Variants in DNAH3 observed in about 807,000 individuals in gnomAD.
The protein encoded by DNAH3 is dynein axonemal heavy chain 3.
DNAH3 carries 332 observed loss-of-function variants against 432.5 expected under a neutral mutation model. That is an observed-to-expected ratio of 0.77 (90% CI 0.70 to 0.84). DNAH3 has a LOEUF of 0.84. Ranked by LOEUF, DNAH3 falls within the 40% of genes least tolerant of loss-of-function variation. The pLI, the probability that DNAH3 is intolerant of heterozygous loss-of-function variation, is 0.00. For missense variants in DNAH3, 4,861 were observed against 5,114.0 expected (o/e 0.95, Z 1.51); for synonymous variants, 1,956 against 1,900.2 (o/e 1.03, Z -0.76).
At chr16:21,106,177 T>TA (rs767198150) in intron 15 of DNAH3, among the ~76,000 whole-genome samples, 16,582 of 97,230 alleles carry the variant, frequency 0.17, 1,500 homozygotes, top group South Asian at 0.22. Flanking sequence ...AGACTCCATC[T>TA]AAAAAAAAAA....
intron 58 of DNAH3, among the ~76,000 whole-genome samples, chr16:20,943,281 T>G (rs906509649): frequency 6.6e-6 from 1 of 151,836 alleles, no homozygotes; most frequent in African/African-American, 2.4e-5. Context: ...TTTTGCTATG[T>G]TGCTCAGGCT....
At chr16:20,991,885 A>G (rs1348595830) in intron 44 of DNAH3, among the ~76,000 whole-genome samples, 1 of 152,220 alleles carries the variant, frequency 6.6e-6, no homozygotes, top group East Asian at 1.9e-4. Context: ...CTGATGCTCA[A>G]TGGCTACATC....
At position 21,075,377 on chromosome 16, in the gene DNAH3, C is replaced by T. The variant is rs148305188; in HGVS notation, c.3084+70G>A. ...AGTTCTGTTGCCATTCTGAATGAAT[C>T]GTTTCTGTAATCTATTGCATAATAA... On this transcript the variant is annotated intron_variant, in intron 21 of 61. Coordinates refer to ENST00000261383, the Ensembl canonical transcript of DNAH3. The T allele has an allele frequency of 4.5e-5, 48 of 1,065,020 alleles. No homozygotes were observed. The African/African-American group carries it at 5.4e-4, about 12-fold the overall frequency. The allele number at this position is 1,065,020 out of a possible 1,614,324, so 66.0% of individuals were successfully genotyped here.
At chr16:20,991,796 G>A (rs1181697865) in intron 44 of DNAH3, among the ~76,000 whole-genome samples, 1 of 152,098 alleles carries the variant, frequency 6.6e-6, no homozygotes, top group Non-Finnish European at 1.5e-5. Context: ...CCATCCCTTT[G>A]GCCAGACCAT....
At chr16:21,112,375 G>GAC (rs2092096073) in intron 12 of DNAH3, among the ~76,000 whole-genome samples, 1 of 152,096 alleles carries the variant, frequency 6.6e-6, no homozygotes, top group African/African-American at 2.4e-5. Context: ...TGCTGATAGA[G>GAC]ACATACTCGA....
intron 40 of DNAH3, among the ~76,000 whole-genome samples, chr16:21,021,047 GT>G (rs745882566): frequency 1.4e-4 from 21 of 152,174 alleles, no homozygotes; most frequent in Non-Finnish European, 1.5e-5. Context: ...CATCCAAGCT[GT>G]AGCATGCATC....
chr16:21,019,623 CCT>C lies in DNAH3; in HGVS notation c.6021_6022del (p.Gly2008LysfsTer4), dbSNP rs1472106730. The C allele has an allele frequency of 4.3e-6, 7 of 1,613,956 alleles. 1 individual carries two copies. In the Admixed American group the frequency reaches 6.7e-5, roughly 15 times the overall value. On this transcript the variant is annotated frameshift_variant and splice_region_variant, in exon 41 of 62. Transcript: ENST00000261383. LOFTEE classifies it high-confidence loss of function. ...AACATAACAAACAGGTTCTAAATTACCTCTTTCTGGAAAGATGTTGTTTTTGG... is the reference window on the plus strand; with the variant it reads ...AACATAACAAACAGGTTCTAAATTACCTTTCTGGAAAGATGTTGTTTTTGG...
In DNAH3 at chr16:20,938,221, G is replaced by A. The variant is rs980010404; in HGVS notation, c.11655-1368C>T. 5.9e-5 allele frequency among the ~76,000 whole-genome samples: 9 copies of A among 152,016 alleles called. No individual in the cohort carries two copies. In the South Asian group the frequency reaches 8.3e-4, roughly 14 times the overall value. On this transcript the variant is annotated intron_variant, in intron 59 of 61. Coordinates refer to ENST00000261383, the Ensembl canonical transcript of DNAH3. ...AGCCTGGCCAACATGGTTAAACCCC[G>A]TCTGTACTAAAAATACAAAATTAGC...
At chr16:20,957,664 T>C (rs2084623052) in intron 54 of DNAH3, among the ~76,000 whole-genome samples, 1 of 151,598 alleles carries the variant, frequency 6.6e-6, no homozygotes, top group African/African-American at 2.4e-5. Flanking sequence ...AATTCAAAAT[T>C]AGCCATGCAT....
chr16:21,034,168 G>A, intron 35 of DNAH3, 83 bp from the exon 36 acceptor site: 2 of 880,688 alleles, frequency 2.3e-6, no homozygotes, highest in Admixed American at 4.3e-5. Context: ...AATGAGGAAT[G>A]AGGGGTCAGA....
chr16:20,988,414 T>C (rs1227293496), intron 44 of DNAH3, among the ~76,000 whole-genome samples: 3 of 152,096 alleles, frequency 2.0e-5, no homozygotes. Flanking sequence ...TCATGTTGTA[T>C]TATATTACAT....
intron 47 of DNAH3, among the ~76,000 whole-genome samples, chr16:20,985,925 G>A (rs921831262): frequency 2.6e-5 from 4 of 151,844 alleles, no homozygotes; most frequent in Non-Finnish European, 2.9e-5. Flanking sequence ...GTGTGATCTC[G>A]GTTCACTGCA....
chr16:21,019,475 A>G (rs2152709403), intron 41 of DNAH3, 149 bp downstream of exon 41: 1 of 886,182 alleles, frequency 1.1e-6, no homozygotes, highest in South Asian at 1.7e-5. Flanking sequence ...TGATATTTTA[A>G]TTCTGTAATT....
chr16:21,031,896 C>A (rs1405351945), intron 36 of DNAH3, among the ~76,000 whole-genome samples: 2 of 152,054 alleles, frequency 1.3e-5, no homozygotes, highest in African/African-American at 4.8e-5. Context: ...GGCGTGGTGG[C>A]GCATGCCTGT....
intron 51 of DNAH3, among the ~76,000 whole-genome samples, chr16:20,974,339 CTTTGTTTTGT>C (rs138989216): frequency 6.6e-6 from 1 of 151,904 alleles, no homozygotes; most frequent in African/African-American, 2.4e-5. Context: ...CCCCTGGCCA[CTTTGTTTTGT>C]TTTGTTTTGT....
chr16:21,013,970 GCCAAGA>G (rs2087740106), intron 41 of DNAH3, among the ~76,000 whole-genome samples: 3 of 152,052 alleles, frequency 2.0e-5, no homozygotes, highest in Non-Finnish European at 2.9e-5. Context: ...AAAGTACCAG[GCCAAGA>G]TGGGTTCACT....
chr16:21,157,924 G>GC (rs11416807), intron 1 of DNAH3, among the ~76,000 whole-genome samples: 2 of 151,156 alleles, frequency 1.3e-5, no homozygotes, highest in Non-Finnish European at 1.5e-5. Context: ...GTGGGGGGGG[G>GC]CGGTTCTTGT....
chr16:20,965,358 A>G (rs747892522), exon 53 of DNAH3: 2 of 1,556,618 alleles, frequency 1.3e-6, no homozygotes, highest in South Asian at 2.4e-5. Context: ...ATGTCTTAAG[A>G]CTCTCCAAGA....
intron 40 of DNAH3, 115 bp from the exon 41 acceptor site, chr16:21,019,984 G>T: frequency 8.4e-7 from 1 of 1,185,956 alleles, no homozygotes; most frequent in Non-Finnish European, 1.2e-6. Context: ...GACTGATATT[G>T]GCAGAGTGCC....
Sources: gnomAD v4.1 joint callset for allele counts (sites outside exome capture counted in the v4.1 genomes callset) on GRCh38, gnomAD v4.1.1 for gene constraint, MANE v1.5 for transcripts, NCBI Gene and HGNC (gene_info 2026-07-23, HGNC 2026-07-21) for gene names.